The following ZFHX4 variants were observed in gnomAD, a reference collection of about 807,000 sequenced individuals.
ZFHX4 encodes the protein zinc finger homeobox protein 4.
Under a neutral mutation model 267.6 loss-of-function variants are expected in ZFHX4, and 56 were observed. The observed-to-expected ratio is 0.21, with a 90% CI of 0.17 to 0.26. The LOEUF is 0.26. Ranked by LOEUF, ZFHX4 falls within the 10% of genes least tolerant of loss-of-function variation. The pLI is 1.00. For synonymous variants in ZFHX4, 1,778 were observed against 1,665.6 expected (o/e 1.07, Z -1.64); for missense variants, 4,332 against 4,420.0 (o/e 0.98, Z 0.56).
chr8:76,708,566 G>A (rs1242970881), intron 3 of ZFHX4, among the ~76,000 whole-genome samples: 3 of 152,072 alleles, frequency 2.0e-5, no homozygotes, highest in Admixed American at 6.5e-5. Flanking sequence ...AGCATCCTTG[G>A]AAGTCTCTAA....
At chr8:76,745,991 C>G (rs1333114617) in intron 3 of ZFHX4, among the ~76,000 whole-genome samples, 1 of 152,164 alleles carries the variant, frequency 6.6e-6, no homozygotes, top group Non-Finnish European at 1.5e-5. Flanking sequence ...TACAGGATTA[C>G]TTTTATTTCT....
intron 4 of ZFHX4, among the ~76,000 whole-genome samples, chr8:76,787,034 T>C (rs1429044018): frequency 6.6e-6 from 1 of 152,206 alleles, no homozygotes; most frequent in African/African-American, 2.4e-5. Context: ...TTCCTGTAAA[T>C]AGCATAATCA....
intron 4 of ZFHX4, among the ~76,000 whole-genome samples, chr8:76,789,897 C>T (rs1455698355): frequency 6.6e-6 from 1 of 152,036 alleles, no homozygotes; most frequent in Non-Finnish European, 1.5e-5. Flanking sequence ...TGAGATTTTA[C>T]GGTTTGCTCT....
At chr8:76,722,607 G>GTT (rs57934650) in intron 3 of ZFHX4, among the ~76,000 whole-genome samples, 1,504 of 144,604 alleles carry the variant, frequency 0.01, 34 homozygotes, top group African/African-American at 0.035. Flanking sequence ...CTTTTTATGT[G>GTT]TTTTTTTTTT....
chr8:76,714,109 A>G (rs1441124516), intron 3 of ZFHX4, among the ~76,000 whole-genome samples: 1 of 152,224 alleles, frequency 6.6e-6, no homozygotes, highest in Non-Finnish European at 1.5e-5. Flanking sequence ...TTGCTCATTT[A>G]TCACCCACCC....
chr8:76,705,307 A>C lies in ZFHX4; in HGVS notation c.1219A>C (p.Asn407His). ...GITQMPKAEV[N>H]LGGLSSLVVN... is the part of the protein sequence containing the mutation. ...TACCCAAATGCCAAAGGCTGAAGTG[A>C]ATCTGGGGGGGCTGTCTAGTTTAGT... The change falls in exon 2 of 11, where the codon AAT becomes CAT. Residue 407 changes from asparagine (N) to histidine (H), a missense_variant. Around this residue, in one of 7 missense-constraint regions of ZFHX4, gnomAD observed 1,195 missense variants for 1,173.6 expected, o/e 1.02. Transcript: ENST00000651372. 1 of 1,613,974 alleles carries C rather than the reference A, an allele frequency of 6.2e-7. No individual in the cohort carries two copies. The highest frequency in any genetic ancestry group is 8.5e-7 in the Non-Finnish European group (1 of 1,179,884).
In ZFHX4 at chr8:76,852,337, A is replaced by G. The variant is rs369420811; in HGVS notation, c.5416A>G (p.Thr1806Ala). ...LQQQAQQYQATQPQLQPQKQQ... is the reference protein window; with the variant it reads ...LQQQAQQYQAAQPQLQPQKQQ... ...GCAACAAGCACAACAATACCAAGCC[A>G]CACAGCCCCAGCTGCAGCCTCAAAA... The change falls in exon 10 of 11, where the codon ACA becomes GCA. Residue 1806 changes from threonine to alanine, a missense_variant. Physicochemically the swap from Thr to Ala is moderately conservative, Grantham distance 58. Transcript: ENST00000651372. 3.2e-5 allele frequency: 49 copies of G among 1,553,522 alleles called. No individual in the cohort carries two copies. In the African/African-American group the frequency reaches 6.4e-4, roughly 20 times the overall value.
chr8:76,683,671 A>C (rs1585844054), intron 1 of ZFHX4: 1 of 150,912 alleles, frequency 6.6e-6, no homozygotes, highest in Admixed American at 6.6e-5. Flanking sequence ...AGAGAGAGAG[A>C]GAGGGAGAGA....
chr8:76,706,623 G>C lies in ZFHX4; in HGVS notation c.2535G>C (p.Met845Ile), dbSNP rs773317458. Residue 845 changes from methionine (M) to isoleucine (I), a missense_variant, in exon 2 of 11, where the codon ATG becomes ATC. Physicochemically the swap from Met to Ile is conservative, Grantham distance 10 (BLOSUM62 1). Transcript: ENST00000651372. ...AAAACCCTGCCGACCCTCAGCTGATGATCAATCCATTCCAGCTGGATCCAG... is the reference window on the plus strand; with the variant it reads ...AAAACCCTGCCGACCCTCAGCTGATCATCAATCCATTCCAGCTGGATCCAG... ...KLENPADPQLMINPFQLDPAT... is the reference protein window; with the variant it reads ...KLENPADPQLIINPFQLDPAT... 1.1e-5 allele frequency: 18 copies of C among 1,607,496 alleles called. No individual in the cohort carries two copies. In the Admixed American group the frequency reaches 3.0e-4, roughly 27 times the overall value.
intron 4 of ZFHX4, among the ~76,000 whole-genome samples, chr8:76,787,480 G>A (rs140288222): frequency 1.3e-5 from 2 of 151,986 alleles, no homozygotes; most frequent in African/African-American, 4.8e-5. Flanking sequence ...GAGATGCATG[G>A]TACTTGTTAG....
chr8:76,815,124 G>A (rs1811470907), intron 4 of ZFHX4, among the ~76,000 whole-genome samples: 1 of 152,168 alleles, frequency 6.6e-6, no homozygotes, highest in Admixed American at 6.5e-5. Flanking sequence ...ATTATTTGCA[G>A]TATGGTTAGA....
intron 4 of ZFHX4, among the ~76,000 whole-genome samples, chr8:76,827,775 G>C (rs1465089299): frequency 6.6e-6 from 1 of 152,148 alleles, no homozygotes; most frequent in Non-Finnish European, 1.5e-5. Context: ...GGCCCCAGGA[G>C]ATAGTACTCC....
In ZFHX4 at chr8:76,852,935, C is replaced by A. The variant is rs756570538; in HGVS notation, c.6014C>A (p.Pro2005Gln). Residue 2005 changes from proline to glutamine, a missense_variant, in exon 10 of 11, where the codon CCG becomes CAG. Pro to Gln is a moderately conservative substitution (Grantham distance 76). Around this residue, in one of 7 missense-constraint regions of ZFHX4, gnomAD observed 1,371 missense variants for 1,423.1 expected, o/e 0.96. Transcript: ENST00000651372. ...ISPSSPETPP[P>Q]PPPPPPLPPA... Reference sequence around the variant, plus strand: ...CCATCTTCTCCAGAAACGCCGCCCCCGCCACCTCCTCCTCCTCCCTTGCCT... The same window carrying A: ...CCATCTTCTCCAGAAACGCCGCCCCAGCCACCTCCTCCTCCTCCCTTGCCT... 1 of 1,589,576 alleles carries A rather than the reference C, an allele frequency of 6.3e-7. No individual in the cohort carries two copies. Among genetic ancestry groups the A allele is most frequent in the Non-Finnish European group, 8.6e-7 (1 of 1,167,348 alleles).
At chr8:76,681,745 C>A in intron 1 of ZFHX4, 125 bp downstream of exon 1, 3 of 329,690 alleles carry the variant, frequency 9.1e-6, no homozygotes, top group Non-Finnish European at 1.1e-5. Context: ...CTCTCCGCCT[C>A]TCTTCCTCTC....
chr8:76,736,912 G>A (rs1017564127), intron 3 of ZFHX4, among the ~76,000 whole-genome samples: 2 of 152,092 alleles, frequency 1.3e-5, no homozygotes, highest in Non-Finnish European at 2.9e-5. Context: ...TGTCATCACA[G>A]ATAAAAGGAA....
chr8:76,841,016 T>C (rs563738794), intron 5 of ZFHX4, among the ~76,000 whole-genome samples: 1 of 152,310 alleles, frequency 6.6e-6, no homozygotes, highest in African/African-American at 2.4e-5. Flanking sequence ...TTTCTGAGTG[T>C]ATTTGCCTGA....
chr8:76,747,870 T>G (rs1020987054), intron 3 of ZFHX4, among the ~76,000 whole-genome samples: 1 of 152,212 alleles, frequency 6.6e-6, no homozygotes, highest in Middle Eastern at 3.4e-3. Context: ...AGGCGGAGGT[T>G]GCAGTGAGCC....
intron 4 of ZFHX4, among the ~76,000 whole-genome samples, chr8:76,795,492 G>A (rs1374816610): frequency 6.6e-6 from 1 of 151,104 alleles, no homozygotes; most frequent in Non-Finnish European, 1.5e-5. Context: ...CCAGGCTGAA[G>A]CCATGTAAAT....
chr8:76,756,454 GGTAGAGGCTCATACAT>G lies in ZFHX4; in HGVS notation c.3094-21753_3094-21738del, dbSNP rs573318661. On this transcript the variant is annotated intron_variant, in intron 3 of 10. Coordinates refer to ENST00000651372, the MANE Select transcript of ZFHX4 (RefSeq NM_024721.5). ...GACCAGATTGAGGTTGGGATGGGTGGGTAGAGGCTCATACATTGTAAAAGGAACAATGTGATTTTTG... is the reference window on the plus strand; with the variant it reads ...GACCAGATTGAGGTTGGGATGGGTGGTGTAAAAGGAACAATGTGATTTTTG... 1.3e-3 allele frequency among the ~76,000 whole-genome samples: 199 copies of G among 152,150 alleles called. 9 individuals carry two copies. In the South Asian group the frequency reaches 0.04, roughly 31 times the overall value.
Sources: gnomAD v4.1 joint callset for allele counts (sites outside exome capture counted in the v4.1 genomes callset) on GRCh38, gnomAD v4.1.1 for gene constraint, gnomAD v4.1.1 regional missense constraint, MANE v1.5 for transcripts, NCBI Gene and HGNC (gene_info 2026-07-23, HGNC 2026-07-21) for gene names.